Variants in DENND2B observed in about 807,000 individuals in gnomAD.
DENND2B encodes the protein DENN domain-containing protein 2B.
A neutral mutation model predicts 116.0 loss-of-function variants in DENND2B; 32 were observed. The observed-to-expected ratio is 0.28, with a 90% CI of 0.21 to 0.37. The LOEUF is 0.37. DENND2B is among the 10% of genes least tolerant of loss of function. DENND2B has a pLI of 1.00. For missense variants in DENND2B, 1,276 were observed against 1,477.7 expected (o/e 0.86, Z 2.24); for synonymous variants, 588 against 583.9 (o/e 1.01, Z -0.10).
At position 8,714,660 on chromosome 11, in the gene DENND2B, T is replaced by C; in HGVS notation, c.1892A>G (p.Lys631Arg). The C allele has an allele frequency of 6.2e-7, 1 of 1,614,216 alleles. No individual in the cohort carries two copies. Among genetic ancestry groups the C allele is most frequent in the African/African-American group, 1.3e-5 (1 of 75,060 alleles). The change falls in exon 7 of 20, where the codon AAG (lysine) becomes AGG (arginine). Residue 631 changes from lysine to arginine, a missense_variant. Lys to Arg is a conservative substitution (Grantham distance 26). Coordinates refer to ENST00000313726, the MANE Select transcript of DENND2B (RefSeq NM_213618.2). Reference sequence around the variant, plus strand: ...GGACATAGACAACTTTTTTAATCTCTTCTTTCCTCTCTTGGCATTGTAGAT... The same window carrying C: ...GGACATAGACAACTTTTTTAATCTCCTCTTTCCTCTCTTGGCATTGTAGAT... ...NSIYNAKRGK[K>R]RLKKLSMSSI...
chr11:8,731,291 T>C (rs2048090819), intron 2 of DENND2B, 82 bp from the exon 3 acceptor site: 6 of 1,307,524 alleles, frequency 4.6e-6, no homozygotes, highest in Non-Finnish European at 6.2e-6. Context: ...GTTTTATTCT[T>C]ACAGAACTCA....
chr11:8,862,081 T>C (rs1437793424), intron 2 of DENND2B, among the ~76,000 whole-genome samples: 1 of 151,930 alleles, frequency 6.6e-6, no homozygotes, highest in Non-Finnish European at 1.5e-5. Flanking sequence ...AGACTACATA[T>C]TGGGTACCAT....
intron 9 of DENND2B, chr11:8,711,856 A>C (rs2043768831): frequency 2.8e-6 from 1 of 357,378 alleles, no homozygotes; most frequent in Admixed American, 3.3e-5. Flanking sequence ...AACAAGAGCG[A>C]AACTCCGTCT....
chr11:8,715,839 T>G, intron 5 of DENND2B, 21 bp from the exon 6 acceptor site: 1 of 1,576,144 alleles, frequency 6.3e-7, no homozygotes, highest in Non-Finnish European at 8.6e-7. Flanking sequence ...GGAGAGGACG[T>G]GCGAGAGGGG....
At chr11:8,715,844 G>A in intron 5 of DENND2B, 26 bp from the exon 6 acceptor site, 1 of 1,569,364 alleles carries the variant, frequency 6.4e-7, no homozygotes, top group Non-Finnish European at 8.7e-7. Context: ...GGACGTGCGA[G>A]AGGGGCTTGC....
intron 6 of DENND2B, 74 bp from the exon 7 acceptor site, chr11:8,714,780 GC>G: frequency 8.1e-7 from 1 of 1,227,788 alleles, no homozygotes; most frequent in Non-Finnish European, 1.2e-6. Flanking sequence ...CTGAGTAGGA[GC>G]CCATCCCTGC....
intron 3 of DENND2B, among the ~76,000 whole-genome samples, chr11:8,840,361 C>T (rs564505989): frequency 6.6e-6 from 1 of 152,232 alleles, no homozygotes; most frequent in African/African-American, 2.4e-5. Context: ...TAAGATTCTG[C>T]TGCTTGGAGG....
In DENND2B at chr11:8,730,103, T is replaced by C. The variant is rs1201314959; in HGVS notation, c.1187A>G (p.Tyr396Cys). 6.2e-7 allele frequency: 1 copy of C among 1,614,168 alleles called. No homozygotes were observed. The change falls in exon 3 of 20, where the codon TAC becomes TGC. Residue 396 changes from tyrosine (Y) to cysteine (C), a missense_variant. This residue lies in a region of DENND2B where 856 missense variants were observed against 846.6 expected (regional missense o/e 1.01). Coordinates refer to ENST00000313726, the MANE Select transcript of DENND2B (RefSeq NM_213618.2). The surrounding 1 kb of genome is among the most constrained non-coding windows in gnomAD (Gnocchi z 4.1). Reference protein sequence around the residue: ...PVPKPKRTFEYEADKNPKSKP... With the variant: ...PVPKPKRTFECEADKNPKSKP... ...ACTCTTGGGGTTCTTGTCAGCCTCG[T>C]ATTCAAAGGTGCGCTTGGGTTTGGG... is the stretch of plus-strand genomic sequence containing the variant.
chr11:8,906,196 CTTTTTTTTCT>C (rs2064234047), intron 1 of DENND2B, among the ~76,000 whole-genome samples: 1 of 122,740 alleles, frequency 8.1e-6, no homozygotes, highest in African/African-American at 2.9e-5. Flanking sequence ...ATAAAGAAGT[CTTTTTTTTCT>C]TTTTTTTTTT....
upstream of DENND2B, among the ~76,000 whole-genome samples, chr11:8,814,667 A>G (rs145421412): frequency 3.2e-4 from 49 of 152,330 alleles, no homozygotes; most frequent in East Asian, 6.8e-3. Context: ...TTATGCATTT[A>G]TACAGTTATC....
At chr11:8,833,892 G>C (rs941870855) in intron 4 of DENND2B, among the ~76,000 whole-genome samples, 1 of 152,140 alleles carries the variant, frequency 6.6e-6, no homozygotes, top group East Asian at 1.9e-4. Flanking sequence ...CTCACAGCCT[G>C]GTGCCAGTGA....
At chr11:8,718,574 C>T (rs754845233) in intron 4 of DENND2B, 8 of 1,376,548 alleles carry the variant, frequency 5.8e-6, no homozygotes, top group Non-Finnish European at 7.5e-6. Context: ...ATTCCCTCTA[C>T]CGCTGATCTC....
chr11:8,731,339 T>C (rs1387821046), intron 2 of DENND2B, 130 bp from the exon 3 acceptor site: 3 of 902,234 alleles, frequency 3.3e-6, no homozygotes, highest in African/African-American at 3.4e-5. Context: ...GAGTATTCTA[T>C]TCAAGTAATA....
At chr11:8,800,120 A>T (rs915801216) in intron 1 of DENND2B, among the ~76,000 whole-genome samples, 28 of 151,734 alleles carry the variant, frequency 1.8e-4, no homozygotes, top group African/African-American at 6.8e-4. Context: ...TGCTTGGTTA[A>T]TTTCATTTAT....
chr11:8,729,210 AAGCT>A (rs2047652138), intron 3 of DENND2B, among the ~76,000 whole-genome samples: 1 of 152,158 alleles, frequency 6.6e-6, no homozygotes, highest in Non-Finnish European at 1.5e-5. Flanking sequence ...ATTCCCAAGG[AAGCT>A]CACTCCCAGC....
At chr11:8,864,525 C>T (rs1019115347) in intron 2 of DENND2B, among the ~76,000 whole-genome samples, 3 of 152,188 alleles carry the variant, frequency 2.0e-5, no homozygotes, top group African/African-American at 7.2e-5. Flanking sequence ...CCAATTTGGC[C>T]TCCCAAAGTG....
At chr11:8,728,600 C>A (rs372403438) in intron 3 of DENND2B, among the ~76,000 whole-genome samples, 1 of 148,278 alleles carries the variant, frequency 6.7e-6, no homozygotes. Flanking sequence ...CTCTCCCCCC[C>A]ACTCCCTTTG....
chr11:8,843,407 C>G (rs1380272502), intron 3 of DENND2B, among the ~76,000 whole-genome samples: 1 of 152,156 alleles, frequency 6.6e-6, no homozygotes, highest in African/African-American at 2.4e-5. Context: ...CCCATTGCTA[C>G]TAAGTACAAA....
rs377418245 is a variant in DENND2B, at chr11:8,845,218, G to A, written c.-155-5868C>T. 4.6e-5 allele frequency: 7 copies of A among 152,188 alleles called. No homozygotes were observed. In the East Asian group the frequency reaches 1.2e-3, roughly 25 times the overall value. 9.4% of individuals were successfully genotyped at this position (152,188 alleles called of 1,614,324 possible). A position where few individuals can be genotyped will look rare whatever the true frequency, so the allele number is the denominator to read the frequency against. ...TAATTTTTCATTTTTATAGTGGTAAGCACCAAGAAACCTTGTTCACATAAA... is the reference window on the plus strand; with the variant it reads ...TAATTTTTCATTTTTATAGTGGTAAACACCAAGAAACCTTGTTCACATAAA... On this transcript the variant is annotated intron_variant, in intron 3 of 6. Coordinates refer to the DENND2B transcript ENST00000524757.
Sources: allele counts gnomAD v4.1 joint callset (sites outside exome capture counted in the v4.1 genomes callset), GRCh38; gene constraint gnomAD v4.1.1; regional missense constraint gnomAD v4.1.1; non-coding constraint Gnocchi (gnomAD v3.1); transcripts MANE v1.5; gene names NCBI Gene and HGNC (gene_info 2026-07-23, HGNC 2026-07-21).